The following SYT5 variants were observed in gnomAD, a reference collection of about 807,000 sequenced individuals.
SYT5 encodes the protein synaptotagmin-5.
SYT5 carries 29 observed loss-of-function variants against 36.0 expected under a neutral mutation model. That is an observed-to-expected ratio of 0.81 (90% CI 0.60 to 1.10). SYT5 has a LOEUF of 1.10. SYT5 is among the 50% of genes least tolerant of loss of function. The pLI, the probability that SYT5 is intolerant of heterozygous loss-of-function variation, is 0.00. For synonymous variants in SYT5, 231 were observed against 227.6 expected, an observed-to-expected ratio of 1.02 and a Z score of -0.14; for missense variants, 512 against 516.0, an observed-to-expected ratio of 0.99 and a Z score of 0.08.
Position 55,176,106 on chromosome 19 carries a change from C to T in SYT5, c.271G>A (p.Glu91Lys). 2 of 1,614,120 alleles carry T rather than the reference C, an allele frequency of 1.2e-6. No homozygotes were observed. The highest frequency in any genetic ancestry group is 8.5e-7 in the Non-Finnish European group (1 of 1,180,048). ...YIDKVQPEVE[E>K]LEPAPSGPGQ... ...GGCCCGGATGGTGCTGGCTCCAGCTCCTCTACTTCTGGCTGCACCTTAAGG... is the reference window on the plus strand; with the variant it reads ...GGCCCGGATGGTGCTGGCTCCAGCTTCTCTACTTCTGGCTGCACCTTAAGG... Residue 91 changes from glutamate (E) to lysine (K), a missense_variant, in exon 4 of 9, where the codon GAG (glutamate) becomes AAG (lysine). Physicochemically the swap from Glu to Lys is moderately conservative, Grantham distance 56. Transcript: ENST00000354308.
intron 2 of SYT5, 126 bp downstream of exon 2, chr19:55,178,837 G>T: frequency 1.1e-6 from 1 of 919,872 alleles, no homozygotes; most frequent in Non-Finnish European, 1.3e-6. Flanking sequence ...AGTCCAGGAT[G>T]ACGACCCGGG....
rs56973053 is a variant in SYT5, at chr19:55,171,305, CCA to C, written c.*2177_*2178del. On this transcript the variant is annotated 3_prime_UTR_variant, in exon 9 of 9. Transcript: ENST00000354308. ...GTCTTCATAAAGACATGCTCTACAG[CCA>C]CACACACACACACACACACACACAC... 0.1 allele frequency: 15,079 copies of C among 144,888 alleles called. 749 individuals are homozygous for C. Among genetic ancestry groups the C allele is most frequent in the East Asian group, 0.23 (1,063 of 4,700 alleles). The allele number at this position is 144,888 out of a possible 1,614,324, so 9.0% of individuals were successfully genotyped here.
chr19:55,175,146 C>A lies in SYT5; in HGVS notation c.708+26G>T. 1.3e-6 allele frequency: 2 copies of A among 1,578,648 alleles called. No homozygotes were observed. The highest frequency in any genetic ancestry group is 1.7e-6 in the Non-Finnish European group (2 of 1,167,032). ...GGCGGGACTGGGCCTGGGGGCGTGG[C>A]TCGGGGCGCGACCGCGCATGCTCAC... On this transcript the variant is annotated intron_variant, in intron 6 of 8. Transcript: ENST00000354308. This position sits in a 1 kb window ranked among gnomAD's most constrained non-coding sequence, Gnocchi z 4.5.
chr19:55,177,321 A>T (rs116920913), intron 3 of SYT5: 1 of 152,164 alleles, frequency 6.6e-6, no homozygotes, highest in Non-Finnish European at 1.5e-5. Context: ...GAATCTGGAT[A>T]TGGGGCCTGA....
intron 2 of SYT5, 127 bp downstream of exon 2, chr19:55,178,836 T>C: frequency 3.0e-6 from 3 of 986,484 alleles, no homozygotes; most frequent in Non-Finnish European, 3.8e-6. Flanking sequence ...CAGTCCAGGA[T>C]GACGACCCGG....
At position 55,175,925 on chromosome 19, in the gene SYT5, C is replaced by T; in HGVS notation, c.373-49G>A. ...GGAGGTGGGGAACACTAGTCTTAGC[C>T]TCCCTTCCATGGCTCCTTTCAGAAG... On this transcript the variant is annotated intron_variant, in intron 4 of 8. Coordinates refer to ENST00000354308, the MANE Select transcript of SYT5 (RefSeq NM_003180.3). The surrounding 1 kb of genome is among the most constrained non-coding windows in gnomAD (Gnocchi z 4.5). The T allele has an allele frequency of 1.2e-6, 2 of 1,613,358 alleles. No individual in the cohort carries two copies. Among genetic ancestry groups the T allele is most frequent in the Non-Finnish European group, 8.5e-7 (1 of 1,179,454 alleles).
Position 55,174,212 on chromosome 19 carries a change from A to G in SYT5, c.960+305T>C, listed in dbSNP as rs571040845. ...GCATCCTGGTCCTGCTTGGGGGCGG[A>G]GCATCCTGGTTCCGCTTGGTGGGGC... is the stretch of plus-strand genomic sequence containing the variant. On this transcript the variant is annotated intron_variant, in intron 8 of 8. Coordinates refer to ENST00000354308, the MANE Select transcript of SYT5 (RefSeq NM_003180.3). 4.7e-4 allele frequency among the ~76,000 whole-genome samples: 63 copies of G among 133,470 alleles called. 1 individual carries two copies. Among genetic ancestry groups the G allele is most frequent in the South Asian group, 1.5e-3 (6 of 3,926 alleles). 87.6% of individuals were successfully genotyped at this position (133,470 alleles called of 152,430 possible). A position where few individuals can be genotyped will look rare whatever the true frequency, so the allele number is the denominator to read the frequency against.
Position 55,173,145 on chromosome 19 carries a change from G to T in SYT5, c.*339C>A. ...TGGCCCCAGGAGCAGTGCAGGGATG[G>T]GCTGTGTTGGAAGAGAGAGGAGAGC... On this transcript the variant is annotated 3_prime_UTR_variant, in exon 9 of 9. Transcript: ENST00000354308. The surrounding 1 kb of genome is among the most constrained non-coding windows in gnomAD (Gnocchi z 5.4). 1 of 271,466 alleles carries T rather than the reference G, an allele frequency of 3.7e-6. No homozygotes were observed. The highest frequency in any genetic ancestry group is 6.9e-6 in the Non-Finnish European group (1 of 144,488). 16.8% of individuals were successfully genotyped at this position (271,466 alleles called of 1,614,324 possible).
At position 55,171,312 on chromosome 19, in the gene SYT5, C is replaced by T. The variant is rs2086004048; in HGVS notation, c.*2172G>A. 1 of 51,232 alleles carries T rather than the reference C, an allele frequency of 2.0e-5. No individual in the cohort carries two copies. The highest frequency in any genetic ancestry group is 3.3e-5 in the Non-Finnish European group (1 of 30,106). 3.2% of individuals were successfully genotyped at this position (51,232 alleles called of 1,614,324 possible). On this transcript the variant is annotated 3_prime_UTR_variant, in exon 9 of 9. Coordinates refer to ENST00000354308, the MANE Select transcript of SYT5 (RefSeq NM_003180.3). ...TAAAGACATGCTCTACAGCCACACA[C>T]ACACACACACACACACACACACACA...
chr19:55,179,167 G>C lies in SYT5; in HGVS notation c.-45-81C>G, dbSNP rs902459514. On this transcript the variant is annotated intron_variant, in intron 1 of 8. Coordinates refer to ENST00000354308, the MANE Select transcript of SYT5 (RefSeq NM_003180.3). This position sits in a 1 kb window ranked among gnomAD's most constrained non-coding sequence, Gnocchi z 4.5. ...TCCAACTCCCATGAGGCCTTTGCGCGAACAGCCGCGCAGAAACCGGACAGC... is the reference window on the plus strand; with the variant it reads ...TCCAACTCCCATGAGGCCTTTGCGCCAACAGCCGCGCAGAAACCGGACAGC... 17 of 1,535,022 alleles carry C rather than the reference G, an allele frequency of 1.1e-5. No individual in the cohort carries two copies. The highest frequency in any genetic ancestry group is 1.4e-5 in the Non-Finnish European group (16 of 1,145,928).
In SYT5 at chr19:55,175,708, C is replaced by T. The variant is rs750121068; in HGVS notation, c.540+1G>A. The T allele has an allele frequency of 1.9e-6, 3 of 1,613,110 alleles. No homozygotes were observed. Among genetic ancestry groups the T allele is most frequent in the Admixed American group, 3.3e-5 (2 of 60,010 alleles). ...CACGGGGCCTGAAGGCAGGAGCTCA[C>T]CTTGAAGGCGAAGGTCTCCCCAAAG... On this transcript the variant is annotated splice_donor_variant, in intron 5 of 8. Transcript: ENST00000354308. LOFTEE classifies it high-confidence loss of function. The surrounding 1 kb of genome is among the most constrained non-coding windows in gnomAD (Gnocchi z 4.5).
At chr19:55,178,411 A>G (rs759361664) in intron 2 of SYT5, 43 bp from the exon 3 acceptor site, 28 of 1,579,516 alleles carry the variant, frequency 1.8e-5, no homozygotes, top group Non-Finnish European at 2.2e-5. Flanking sequence ...CCTGGGCAGC[A>G]CGCAGGCTGA....
rs762758644 is a variant in SYT5, at chr19:55,175,188, G to T, written c.692C>A (p.Ala231Glu). Reference protein sequence around the residue: ...RPVQAWRELQAAPREEQEKLG... With the variant: ...RPVQAWRELQEAPREEQEKLG... ...CATGCTCACCTCCTCCCGCGGAGCC[G>T]CCTGCAGCTCCCGCCAGGCCTGCAC... The change falls in exon 6 of 9, where the codon GCG becomes GAG. Residue 231 changes from alanine to glutamate, a missense_variant. By Grantham distance (107) the Ala-to-Glu change is moderately radical (BLOSUM62 -1). Transcript: ENST00000354308. This position sits in a 1 kb window ranked among gnomAD's most constrained non-coding sequence, Gnocchi z 4.5. The T allele has an allele frequency of 3.1e-6, 5 of 1,604,074 alleles. No homozygotes were observed. In the South Asian group the frequency reaches 5.5e-5, roughly 18 times the overall value.
chr19:55,174,833 C>A, intron 7 of SYT5, 49 bp downstream of exon 7: 1 of 1,592,846 alleles, frequency 6.3e-7, no homozygotes, highest in African/African-American at 1.3e-5. Context: ...AGAACGAGAA[C>A]CCACCCCACG....
chr19:55,180,276 G>C lies in SYT5; in HGVS notation c.-205C>G, dbSNP rs1170161201. The C allele has an allele frequency of 6.6e-6, 1 of 152,296 alleles. No homozygotes were observed. The allele number at this position is 152,296 out of a possible 1,614,324, so 9.4% of individuals were successfully genotyped here. A position where few individuals can be genotyped will look rare whatever the true frequency, so the allele number is the denominator to read the frequency against. ...GAGCGGAGCAGGATCCCGTGCGCGC[G>C]TGTGTGCCCGTGTGCGTGTGCGCGC... is the stretch of plus-strand genomic sequence containing the variant. On this transcript the variant is annotated 5_prime_UTR_variant, in exon 1 of 9. Coordinates refer to ENST00000354308, the MANE Select transcript of SYT5 (RefSeq NM_003180.3).
At chr19:55,176,818 C>T (rs75601326) in intron 3 of SYT5, among the ~76,000 whole-genome samples, 2,957 of 152,148 alleles carry the variant, frequency 0.019, 65 homozygotes, top group Non-Finnish European at 0.029. Flanking sequence ...GCATCCTTTA[C>T]GGATGCTAAT....
rs2086059741 is a variant in SYT5, at chr19:55,175,178, C to T, written c.702G>A (p.Arg234=). 6.3e-7 allele frequency: 1 copy of T among 1,598,886 alleles called. No individual in the cohort carries two copies. Among genetic ancestry groups the T allele is most frequent in the South Asian group, 1.1e-5 (1 of 89,668 alleles). The stretch of plus-strand genomic sequence containing the variant: ...CGCGACCGCGCATGCTCACCTCCTC[C>T]CGCGGAGCCGCCTGCAGCTCCCGCC... ...QAWRELQAAP[R]EEQEKLGDIC... is the part of the protein sequence containing the mutation. The change falls in exon 6 of 9, where the codon CGG becomes CGA. Residue 234 remains arginine (R), a synonymous_variant. Transcript: ENST00000354308. This position sits in a 1 kb window ranked among gnomAD's most constrained non-coding sequence, Gnocchi z 4.5.
rs1301299867 is a variant in SYT5 at position 55,172,590 on chromosome 19, C to T, written c.*894G>A. On this transcript the variant is annotated 3_prime_UTR_variant, in exon 9 of 9. Transcript: ENST00000354308. ...GCTGAACTCCAACCTCTCTCGCAGG[C>T]TCTGGAGATTGTATTCCCTGGCTCC... The T allele has an allele frequency of 6.6e-6, 1 of 152,154 alleles. No homozygotes were observed. Among genetic ancestry groups the T allele is most frequent in the African/African-American group, 2.4e-5 (1 of 41,400 alleles). The allele number at this position is 152,154 out of a possible 1,614,324, so 9.4% of individuals were successfully genotyped here. A position where few individuals can be genotyped will look rare whatever the true frequency, so the allele number is the denominator to read the frequency against.
rs886106905 is a variant in SYT5 at position 55,173,970 on chromosome 19, C to A, written c.961-286G>T. 2.7e-5 allele frequency: 10 copies of A among 370,612 alleles called. No individual in the cohort carries two copies. The highest frequency in any genetic ancestry group is 4.2e-5 in the African/African-American group (2 of 47,858). The allele number at this position is 370,612 out of a possible 1,614,324, so 23.0% of individuals were successfully genotyped here. Reference sequence around the variant, plus strand: ...CGGCGCCTCCTGGGGGAGCAGCCTCCTAAGAGCCGCAAAGCTGCAGAACTT... The same window carrying A: ...CGGCGCCTCCTGGGGGAGCAGCCTCATAAGAGCCGCAAAGCTGCAGAACTT... On this transcript the variant is annotated intron_variant, in intron 8 of 8. Transcript: ENST00000354308. The surrounding 1 kb of genome is among the most constrained non-coding windows in gnomAD (Gnocchi z 5.4).
Sources: gnomAD v4.1 joint callset for allele counts (sites outside exome capture counted in the v4.1 genomes callset) on GRCh38, gnomAD v4.1.1 for gene constraint, Gnocchi (gnomAD v3.1) non-coding constraint, MANE v1.5 for transcripts, NCBI Gene and HGNC (gene_info 2026-07-23, HGNC 2026-07-21) for gene names.